CAST: variants seen among roughly 807,000 people sequenced by gnomAD.
CAST encodes MIR583 host.
A neutral mutation model predicts 119.6 loss-of-function variants in CAST; 76 were observed. The ratio of observed to expected loss-of-function variants is 0.64; its 90% CI spans 0.53 to 0.77. CAST has a LOEUF of 0.77. Among genes scored for constraint, CAST ranks in the 30% least tolerant of loss-of-function variants. The pLI is 0.00. For synonymous variants in CAST, 319 were observed against 331.6 expected (o/e 0.96, Z 0.41); for missense variants, 953 against 946.5 (o/e 1.01, Z -0.09).
At chr5:96,179,615 G>A in the CAST span, among the ~76,000 whole-genome samples, 6 of 152,202 alleles carry the variant, frequency 3.9e-5, no homozygotes, top group East Asian at 1.9e-4. Context: ...CAGAGAAGGC[G>A]GAGTTGTGCT....
chr5:96,707,587 A>G lies in CAST; in HGVS notation c.210+11680A>G, dbSNP rs111347436. On this transcript the variant is annotated intron_variant, in intron 3 of 31. Transcript: ENST00000675179. ...TTTTTAGTAGAGACGGGGTTTTGCC[A>G]TGTTGGTCAGGATGGTCTCGATCTC... 4.6e-3 allele frequency among the ~76,000 whole-genome samples: 700 copies of G among 152,140 alleles called. 11 individuals carry two copies. The highest frequency in any genetic ancestry group is 0.016 in the African/African-American group (664 of 41,518).
At chr5:96,545,464 A>G (rs562079383) in intron 1 of CAST, 10 of 152,330 alleles carry the variant, frequency 6.6e-5, no homozygotes, top group African/African-American at 2.4e-4. Context: ...ATTATTTGCA[A>G]GGAAGGCAAA....
chr5:96,112,854 A>G, the CAST span, among the ~76,000 whole-genome samples: 1 of 152,232 alleles, frequency 6.6e-6, no homozygotes, highest in African/African-American at 2.4e-5. Context: ...CCTCATGATC[A>G]TGCGGCTGAC....
chr5:96,119,467 G>T, the CAST span, among the ~76,000 whole-genome samples: 4 of 152,088 alleles, frequency 2.6e-5, no homozygotes, highest in Admixed American at 1.3e-4. Flanking sequence ...TGGCAAAATT[G>T]ACTAGATCAG....
At chr5:95,975,915 C>A in the CAST span, among the ~76,000 whole-genome samples, 2 of 152,158 alleles carry the variant, frequency 1.3e-5, no homozygotes, top group Admixed American at 1.3e-4. Flanking sequence ...CTGACGATAG[C>A]CAGGGGGAGT....
At chr5:96,267,748 T>C in the CAST span, among the ~76,000 whole-genome samples, 1 of 152,048 alleles carries the variant, frequency 6.6e-6, no homozygotes, top group African/African-American at 2.4e-5. Context: ...ATAAAACCCA[T>C]AGGTAAAATT....
the CAST span, among the ~76,000 whole-genome samples, chr5:96,449,895 A>C: frequency 6.6e-6 from 1 of 152,176 alleles, no homozygotes; most frequent in African/African-American, 2.4e-5. Context: ...TCTGGACCCT[A>C]TATCTCCTGC....
the CAST span, among the ~76,000 whole-genome samples, chr5:96,069,890 A>G: frequency 6.6e-6 from 1 of 151,866 alleles, no homozygotes; most frequent in Non-Finnish European, 1.5e-5. Flanking sequence ...GATGGTTCAC[A>G]CCTGTAATCT....
chr5:96,197,074 T>A, the CAST span, among the ~76,000 whole-genome samples: 4 of 152,230 alleles, frequency 2.6e-5, no homozygotes, highest in Non-Finnish European at 5.9e-5. Context: ...TATGTTCACA[T>A]GTTCAGCACT....
chr5:96,669,724 C>T (rs757552467), intron 1 of CAST, among the ~76,000 whole-genome samples: 30 of 152,100 alleles, frequency 2.0e-4, no homozygotes, highest in Admixed American at 3.3e-4. Flanking sequence ...CAGGAGGAGC[C>T]CAGAGCCACC....
At chr5:95,965,625 C>T in the CAST span, among the ~76,000 whole-genome samples, 1 of 152,162 alleles carries the variant, frequency 6.6e-6, no homozygotes, top group African/African-American at 2.4e-5. Flanking sequence ...TTCTCTTCCC[C>T]AGTGCTGCTT....
At chr5:96,529,981 G>A (rs182769323) in intron 1 of CAST, 88 of 259,682 alleles carry the variant, frequency 3.4e-4, no homozygotes, top group African/African-American at 1.9e-3. Context: ...ATATATATTT[G>A]GTGAGTTCTT....
the CAST span, among the ~76,000 whole-genome samples, chr5:96,493,330 T>A: frequency 6.6e-6 from 1 of 152,300 alleles, no homozygotes; most frequent in South Asian, 2.1e-4. Context: ...TCACCCTAGA[T>A]AAAGTGCTTT....
chr5:95,973,828 A>G, the CAST span, among the ~76,000 whole-genome samples: 1 of 152,132 alleles, frequency 6.6e-6, no homozygotes, highest in Non-Finnish European at 1.5e-5. Context: ...TATCCAAGCA[A>G]ATGGATTATT....
the CAST span, among the ~76,000 whole-genome samples, chr5:96,479,154 T>C: frequency 6.6e-6 from 1 of 152,198 alleles, no homozygotes; most frequent in Admixed American, 6.5e-5. Flanking sequence ...TGCTGACACC[T>C]GCTTAGTACA....
At chr5:96,063,148 G>A in the CAST span, among the ~76,000 whole-genome samples, 2 of 152,088 alleles carry the variant, frequency 1.3e-5, no homozygotes, top group African/African-American at 4.8e-5. Flanking sequence ...TATAAATCTG[G>A]TGTGCTGTCC....
chr5:96,559,004 C>A (rs263391), intron 1 of CAST, among the ~76,000 whole-genome samples: 51,241 of 151,770 alleles, frequency 0.34, 9,292 homozygotes, highest in Middle Eastern at 0.46. Context: ...AAAAGCTTAT[C>A]CACCATAATC....
At chr5:96,066,031 C>T in the CAST span, among the ~76,000 whole-genome samples, 1 of 152,152 alleles carries the variant, frequency 6.6e-6, no homozygotes, top group African/African-American at 2.4e-5. Context: ...CACTCCCATT[C>T]CTGTTAAAGC....
chr5:95,997,761 C>T, the CAST span, among the ~76,000 whole-genome samples: 2 of 152,026 alleles, frequency 1.3e-5, no homozygotes, highest in African/African-American at 4.8e-5. Flanking sequence ...AGGATCTTGC[C>T]ATCCTCAGAA....
Sources: allele counts gnomAD v4.1 joint callset (sites outside exome capture counted in the v4.1 genomes callset), GRCh38; gene constraint gnomAD v4.1.1; transcripts MANE v1.5; gene names NCBI Gene and HGNC (gene_info 2026-07-23, HGNC 2026-07-21).